GABPB1: variants seen among roughly 807,000 people sequenced by gnomAD.
GABPB1 encodes the protein GA binding protein transcription factor subunit beta 1.
In GABPB1, 15 loss-of-function variants were observed where a neutral mutation model predicts 45.9. That is an observed-to-expected ratio of 0.33 (90% CI 0.22 to 0.50). The LOEUF is 0.50. Ranked by LOEUF, GABPB1 falls within the 20% of genes least tolerant of loss-of-function variation. The pLI is 0.98. For missense variants in GABPB1, 252 were observed against 457.5 expected (o/e 0.55, Z 4.10); for synonymous variants, 143 against 154.4 (o/e 0.93, Z 0.55).
intron 1 of GABPB1, among the ~76,000 whole-genome samples, chr15:50,328,272 C>T (rs1238401911): frequency 1.3e-5 from 2 of 151,906 alleles, no homozygotes; most frequent in African/African-American, 4.8e-5. Flanking sequence ...ACAGCTTACA[C>T]ATGTTGTATT....
At chr15:50,319,381 G>A (rs2047472759) in intron 1 of GABPB1, among the ~76,000 whole-genome samples, 1 of 152,144 alleles carries the variant, frequency 6.6e-6, no homozygotes, top group Admixed American at 6.5e-5. Flanking sequence ...TCCATCACCT[G>A]AATAGTGAAC....
At position 50,286,410 on chromosome 15, in the gene GABPB1, T is replaced by A. The variant is rs2046157763; in HGVS notation, c.884-227A>T. 3.9e-5 allele frequency among the ~76,000 whole-genome samples: 6 copies of A among 152,166 alleles called. No homozygotes were observed. The South Asian group carries it at 1.0e-3, about 26-fold the overall frequency. On this transcript the variant is annotated intron_variant, in intron 7 of 8. Coordinates refer to ENST00000380877, the MANE Select transcript of GABPB1 (RefSeq NM_016654.5). ...ATTAAAGTACCTACAAATATTTTTT[T>A]AATTATATAGATAATATATTCATTC... is the stretch of plus-strand genomic sequence containing the variant.
intron 6 of GABPB1, among the ~76,000 whole-genome samples, chr15:50,290,557 C>G (rs951783235): frequency 6.6e-6 from 1 of 150,604 alleles, no homozygotes. Flanking sequence ...TGCCACTGCC[C>G]TCTACACTGG....
At chr15:50,315,854 C>T (rs903593081) in intron 1 of GABPB1, among the ~76,000 whole-genome samples, 1 of 152,194 alleles carries the variant, frequency 6.6e-6, no homozygotes, top group African/African-American at 2.4e-5. Context: ...AAGGGAAGAT[C>T]ACTTGAGGCC....
chr15:50,337,985 AT>A (rs2048206614), intron 1 of GABPB1, among the ~76,000 whole-genome samples: 1 of 152,220 alleles, frequency 6.6e-6, no homozygotes, highest in Non-Finnish European at 1.5e-5. Flanking sequence ...ATTCTGAAAT[AT>A]AATTCATTCA....
intron 1 of GABPB1, among the ~76,000 whole-genome samples, chr15:50,320,699 GTA>G (rs1248820944): frequency 6.6e-6 from 1 of 152,192 alleles, no homozygotes; most frequent in Non-Finnish European, 1.5e-5. Flanking sequence ...CAAGTATGAT[GTA>G]ATCACAAGAC....
chr15:50,281,387 A>G (rs760110615), intron 8 of GABPB1, among the ~76,000 whole-genome samples: 13 of 151,944 alleles, frequency 8.6e-5, no homozygotes, highest in African/African-American at 2.9e-4. Context: ...AATTTTTTGT[A>G]TTTTTAGTAG....
Position 50,286,119 on chromosome 15 carries a change from C to G in GABPB1, c.948G>C (p.Lys316Asn), listed in dbSNP as rs2046143639. The G allele has an allele frequency of 6.2e-7, 1 of 1,611,812 alleles. No individual in the cohort carries two copies. The highest frequency in any genetic ancestry group is 8.5e-7 in the Non-Finnish European group (1 of 1,178,928). Residue 316 changes from lysine (K) to asparagine (N), a missense_variant, in exon 8 of 9, where the codon AAG (lysine) becomes AAC (asparagine). Around this residue, in one of 4 missense-constraint regions of GABPB1, gnomAD observed 193 missense variants for 259.9 expected, o/e 0.74. Transcript: ENST00000380877. ...ETVISEEPPA[K>N]RQCIEIIENR... Reference sequence around the variant, plus strand: ...TTTCAATTATTTCGATACATTGTCTCTTAGCTGGTGGTTCTTCACTTATAA... The same window carrying G: ...TTTCAATTATTTCGATACATTGTCTGTTAGCTGGTGGTTCTTCACTTATAA...
At chr15:50,288,355 G>C (rs1387823915) in intron 7 of GABPB1, among the ~76,000 whole-genome samples, 4 of 152,108 alleles carry the variant, frequency 2.6e-5, no homozygotes, top group African/African-American at 9.7e-5. Flanking sequence ...CATACTACTA[G>C]CCCTAGTCAT....
chr15:50,310,669 C>T lies in GABPB1; in HGVS notation c.1-871G>A, dbSNP rs574064691. On this transcript the variant is annotated intron_variant, in intron 1 of 8. Transcript: ENST00000380877. ...AATACTAAAAACAGTAATAGTATTA[C>T]GAATAGACTGTCTCATTAGAGGCTA... Among the ~76,000 whole-genome samples the T allele has an allele frequency of 1.4e-3, 219 of 152,196 alleles. 3 individuals are homozygous for T. Among genetic ancestry groups the T allele is most frequent in the African/African-American group, 5.0e-3 (208 of 41,506 alleles).
At chr15:50,309,384 T>C in intron 2 of GABPB1, among the ~76,000 whole-genome samples, 1 of 152,230 alleles carries the variant, frequency 6.6e-6, no homozygotes, top group South Asian at 2.1e-4. Context: ...ATTCTACCTG[T>C]GCTATTTATA....
At chr15:50,334,410 A>G (rs1325791940) in intron 1 of GABPB1, among the ~76,000 whole-genome samples, 3 of 151,188 alleles carry the variant, frequency 2.0e-5, no homozygotes, top group African/African-American at 7.3e-5. Context: ...TATCTGATCT[A>G]TATTCCAGTT....
At chr15:50,322,372 G>A (rs2047602809) in intron 1 of GABPB1, among the ~76,000 whole-genome samples, 1 of 128,754 alleles carries the variant, frequency 7.8e-6, no homozygotes. Flanking sequence ...TGGCCAACAT[G>A]GTGAAAAATA....
chr15:50,304,643 A>C (rs2046877200), intron 2 of GABPB1, among the ~76,000 whole-genome samples: 1 of 151,578 alleles, frequency 6.6e-6, no homozygotes, highest in South Asian at 2.1e-4. Context: ...CCCAGGAGGC[A>C]GAGGTTGCAG....
intron 2 of GABPB1, among the ~76,000 whole-genome samples, chr15:50,306,952 A>G (rs1041205617): frequency 2.6e-5 from 4 of 152,264 alleles, no homozygotes; most frequent in South Asian, 4.1e-4. Flanking sequence ...CAATTAATTT[A>G]ACCAATCTAC....
chr15:50,316,225 AAAGT>A (rs1005466213), intron 1 of GABPB1, among the ~76,000 whole-genome samples: 4 of 152,232 alleles, frequency 2.6e-5, no homozygotes, highest in African/African-American at 9.6e-5. Flanking sequence ...ACTTTTGCTC[AAAGT>A]ACATGCCAAG....
At chr15:50,331,858 G>T (rs548548727) in intron 1 of GABPB1, among the ~76,000 whole-genome samples, 3 of 143,538 alleles carry the variant, frequency 2.1e-5, no homozygotes, top group Admixed American at 7.1e-5. Flanking sequence ...GTCCCGTTCA[G>T]TTTTTTTTTT....
At chr15:50,321,027 G>T (rs2047551370) in intron 1 of GABPB1, among the ~76,000 whole-genome samples, 1 of 152,116 alleles carries the variant, frequency 6.6e-6, no homozygotes, top group African/African-American at 2.4e-5. Flanking sequence ...AGGCACTAAG[G>T]TTGTAGTAAT....
At chr15:50,329,030 A>G (rs369071559) in intron 1 of GABPB1, among the ~76,000 whole-genome samples, 3 of 152,286 alleles carry the variant, frequency 2.0e-5, no homozygotes, top group East Asian at 3.9e-4. Context: ...AATTGTCCCA[A>G]TTTTGGCCAA....
Sources: gnomAD v4.1 joint callset for allele counts (sites outside exome capture counted in the v4.1 genomes callset) on GRCh38, gnomAD v4.1.1 for gene constraint, gnomAD v4.1.1 regional missense constraint, MANE v1.5 for transcripts, NCBI Gene and HGNC (gene_info 2026-07-23, HGNC 2026-07-21) for gene names.